The following RUNX2 variants were observed in gnomAD, a reference collection of about 807,000 sequenced individuals.
RUNX2 encodes the protein runt-related transcription factor 2.
In RUNX2, 10 loss-of-function variants were observed where a neutral mutation model predicts 51.7. That is an observed-to-expected ratio of 0.19 (90% CI 0.12 to 0.33). The LOEUF (loss-of-function observed/expected upper bound fraction) is 0.33, where lower values mean the gene tolerates loss of function less well. Among genes scored for constraint, RUNX2 ranks in the 10% least tolerant of loss-of-function variants. The pLI is 1.00. For synonymous variants in RUNX2, 276 were observed against 273.6 expected, an observed-to-expected ratio of 1.01 and a Z score of -0.09; for missense variants, 562 against 691.3, an observed-to-expected ratio of 0.81 and a Z score of 2.10.
At position 45,482,226 on chromosome 6, in the gene RUNX2, C is replaced by T. The variant is rs1029832983; in HGVS notation, c.686-9715C>T. Among the ~76,000 whole-genome samples, 5 of 152,184 alleles carry T rather than the reference C, an allele frequency of 3.3e-5. No individual in the cohort carries two copies. In the East Asian group the frequency reaches 5.8e-4, roughly 18 times the overall value. On this transcript the variant is annotated intron_variant, in intron 5 of 8. Coordinates refer to ENST00000647337, the MANE Select transcript of RUNX2 (RefSeq NM_001024630.4). ...AAATTTTTTAATCCTTTTTTGCTTC[C>T]TACCTCCTATGAAGTTTCTTTTTCT...
chr6:45,463,192 A>G (rs1799523141), intron 5 of RUNX2, among the ~76,000 whole-genome samples: 1 of 152,242 alleles, frequency 6.6e-6, no homozygotes, highest in African/African-American at 2.4e-5. Flanking sequence ...AGCACAGGAA[A>G]TAAAATACAT....
intron 2 of RUNX2, among the ~76,000 whole-genome samples, chr6:45,388,654 A>G (rs1370703131): frequency 6.6e-6 from 1 of 152,216 alleles, no homozygotes. Context: ...TTACTCAACC[A>G]CATTCTAGTC....
intron 2 of RUNX2, 53 bp from the exon 3 acceptor site, chr6:45,422,540 C>G (rs1480020944): frequency 6.5e-7 from 1 of 1,538,864 alleles, no homozygotes; most frequent in Admixed American, 1.8e-5. Context: ...CCCTCCTCCC[C>G]CTCCCCCGGC....
chr6:45,469,848 T>C (rs1293848242), intron 5 of RUNX2, among the ~76,000 whole-genome samples: 1 of 152,206 alleles, frequency 6.6e-6, no homozygotes, highest in Non-Finnish European at 1.5e-5. Context: ...CAGTGCTCAC[T>C]CCACCCACCT....
chr6:45,394,298 C>G (rs1385818117), intron 2 of RUNX2, among the ~76,000 whole-genome samples: 1 of 152,084 alleles, frequency 6.6e-6, no homozygotes, highest in Non-Finnish European at 1.5e-5. Flanking sequence ...GAGGGATCCG[C>G]CCCCATGACC....
At chr6:45,485,707 A>G (rs1800262878) in intron 5 of RUNX2, among the ~76,000 whole-genome samples, 1 of 134,202 alleles carries the variant, frequency 7.5e-6, no homozygotes, top group East Asian at 2.1e-4. Context: ...GTATATATAT[A>G]TATATATATA....
intron 2 of RUNX2, among the ~76,000 whole-genome samples, chr6:45,363,002 G>T (rs906934600): frequency 2.6e-5 from 4 of 151,660 alleles, no homozygotes; most frequent in Admixed American, 1.3e-4. Context: ...ATTTTGGTAG[G>T]TACATAGGTT....
chr6:45,457,901 G>A (rs769186580), intron 5 of RUNX2, among the ~76,000 whole-genome samples: 2 of 152,110 alleles, frequency 1.3e-5, no homozygotes, highest in Non-Finnish European at 2.9e-5. Context: ...GCTCTAAAAT[G>A]CATTTGTCTG....
chr6:45,445,320 G>A (rs1798961809), intron 5 of RUNX2, among the ~76,000 whole-genome samples: 2 of 152,134 alleles, frequency 1.3e-5, no homozygotes, highest in South Asian at 2.1e-4. Context: ...CACCGCGCCC[G>A]GCCCAGGAAG....
At chr6:45,330,214 TA>T (rs1787178196) in intron 2 of RUNX2, among the ~76,000 whole-genome samples, 1 of 151,950 alleles carries the variant, frequency 6.6e-6, no homozygotes, top group South Asian at 2.1e-4. Flanking sequence ...CAGATTAATT[TA>T]AAATTTTAAT....
At chr6:45,459,312 A>C (rs1158728455) in intron 5 of RUNX2, among the ~76,000 whole-genome samples, 1 of 152,238 alleles carries the variant, frequency 6.6e-6, no homozygotes, top group African/African-American at 2.4e-5. Flanking sequence ...TTACCTAAAA[A>C]TAACTGAATA....
At chr6:45,518,318 C>T (rs905567701) in intron 7 of RUNX2, among the ~76,000 whole-genome samples, 4 of 152,148 alleles carry the variant, frequency 2.6e-5, no homozygotes, top group Non-Finnish European at 5.9e-5. Context: ...GTTCCGTATT[C>T]TTCATTATAT....
chr6:45,391,675 GT>G (rs1390407394), intron 2 of RUNX2, among the ~76,000 whole-genome samples: 5 of 152,190 alleles, frequency 3.3e-5, no homozygotes, highest in Non-Finnish European at 7.3e-5. Context: ...GAAAGCGAAG[GT>G]GAAGCAAGGC....
At position 45,516,274 on chromosome 6, in the gene RUNX2, G is replaced by A. The variant is rs140083935; in HGVS notation, c.1021+3867G>A. The stretch of plus-strand genomic sequence containing the variant: ...TTCAGAGGTACAATACAATGATTCA[G>A]GAAATATTTCCTTAACATTGGGTAG... On this transcript the variant is annotated intron_variant, in intron 7 of 8. Coordinates refer to ENST00000647337, the MANE Select transcript of RUNX2 (RefSeq NM_001024630.4). Among the ~76,000 whole-genome samples the A allele has an allele frequency of 6.6e-5, 10 of 152,242 alleles. No homozygotes were observed. The East Asian group carries it at 1.9e-3, about 29-fold the overall frequency.
intron 6 of RUNX2, among the ~76,000 whole-genome samples, chr6:45,499,710 G>A (rs1013313219): frequency 6.6e-6 from 1 of 151,978 alleles, no homozygotes; most frequent in African/African-American, 2.4e-5. Flanking sequence ...CTCCTATCTG[G>A]GAATATAAGA....
chr6:45,449,156 A>T (rs891129380), intron 5 of RUNX2, among the ~76,000 whole-genome samples: 1 of 152,092 alleles, frequency 6.6e-6, no homozygotes, highest in Non-Finnish European at 1.5e-5. Context: ...TTCTTTTGAG[A>T]CCTCATTGCC....
At chr6:45,541,912 T>C (rs1032430827) in intron 7 of RUNX2, among the ~76,000 whole-genome samples, 1 of 152,196 alleles carries the variant, frequency 6.6e-6, no homozygotes, top group African/African-American at 2.4e-5. Context: ...CCATATTTAT[T>C]GGGGGCCTAG....
rs61218822 is a variant in RUNX2 at position 45,369,017 on chromosome 6, T to A, written c.58+40233T>A. On this transcript the variant is annotated intron_variant, in intron 2 of 8. Coordinates refer to ENST00000647337, the MANE Select transcript of RUNX2 (RefSeq NM_001024630.4). ...CACTGAGAATGAAAAAAATTAAAAA[T>A]TAAATACATAAAATATCTATAAAAA... is the stretch of plus-strand genomic sequence containing the variant. 3.9e-3 allele frequency among the ~76,000 whole-genome samples: 594 copies of A among 152,122 alleles called. 7 individuals are homozygous for A. The highest frequency in any genetic ancestry group is 0.014 in the African/African-American group (567 of 41,536).
chr6:45,412,504 G>A (rs1234946512), intron 2 of RUNX2, among the ~76,000 whole-genome samples: 1 of 152,126 alleles, frequency 6.6e-6, no homozygotes, highest in East Asian at 1.9e-4. Context: ...GTATATCATG[G>A]TTAAGACTCA....
Sources: allele counts gnomAD v4.1 joint callset (sites outside exome capture counted in the v4.1 genomes callset), GRCh38; gene constraint gnomAD v4.1.1; transcripts MANE v1.5; gene names NCBI Gene and HGNC (gene_info 2026-07-23, HGNC 2026-07-21).